The following HTR1F variants were observed in gnomAD, a reference collection of about 807,000 sequenced individuals.
HTR1F encodes 5-hydroxytryptamine (serotonin) receptor 1F, G protein-coupled.
A neutral mutation model predicts 24.0 loss-of-function variants in HTR1F; 17 were observed. That is an observed-to-expected ratio of 0.71 (90% CI 0.48 to 1.06). The LOEUF is 1.06. Among genes scored for constraint, HTR1F ranks in the 50% least tolerant of loss-of-function variants. The probability of loss-of-function intolerance (pLI) is 0.00; values close to 1 mark genes in which losing one functional copy is unlikely to be tolerated. For missense variants in HTR1F, 391 were observed against 427.8 expected (o/e 0.91, Z 0.76); for synonymous variants, 186 against 156.8 (o/e 1.19, Z -1.39).
chr3:87,937,083 C>CAA (rs35169317), intron 2 of HTR1F, among the ~76,000 whole-genome samples: 12,777 of 113,738 alleles, frequency 0.11, 808 homozygotes, highest in Non-Finnish European at 0.15. Flanking sequence ...TGAAACTACC[C>CAA]AAAAAAAAAA....
chr3:87,884,083 G>A (rs540970174), intron 2 of HTR1F, among the ~76,000 whole-genome samples: 15 of 152,102 alleles, frequency 9.9e-5, no homozygotes, highest in Non-Finnish European at 2.1e-4. Context: ...AATGTTAAGG[G>A]CAGCCAGAAA....
At chr3:87,877,411 T>C (rs1705693696) in intron 2 of HTR1F, among the ~76,000 whole-genome samples, 1 of 152,070 alleles carries the variant, frequency 6.6e-6, no homozygotes, top group Non-Finnish European at 1.5e-5. Context: ...CAATTTTTAG[T>C]GAATTGAAAG....
intron 2 of HTR1F, among the ~76,000 whole-genome samples, chr3:87,865,896 A>C (rs1269869233): frequency 2.0e-5 from 3 of 152,158 alleles, no homozygotes; most frequent in Non-Finnish European, 2.9e-5. Flanking sequence ...TGGGGCTTGC[A>C]TATGTTCAGA....
intron 2 of HTR1F, among the ~76,000 whole-genome samples, chr3:87,879,379 A>G (rs1705738012): frequency 6.6e-6 from 1 of 152,196 alleles, no homozygotes; most frequent in South Asian, 2.1e-4. Context: ...ATTAAATGTC[A>G]TTAATGTTTT....
chr3:87,915,344 C>G (rs920561836), intron 2 of HTR1F, among the ~76,000 whole-genome samples: 3 of 152,084 alleles, frequency 2.0e-5, no homozygotes, highest in African/African-American at 7.2e-5. Flanking sequence ...TGAATCCAAA[C>G]CAGGAAGAAA....
At chr3:87,873,095 T>C (rs1450780749) in intron 2 of HTR1F, among the ~76,000 whole-genome samples, 49 of 135,128 alleles carry the variant, frequency 3.6e-4, no homozygotes, top group South Asian at 1.0e-3. Flanking sequence ...CATGCATACA[T>C]ACACACACAC....
chr3:87,865,757 G>A (rs1236260972), intron 2 of HTR1F, among the ~76,000 whole-genome samples: 1 of 151,772 alleles, frequency 6.6e-6, no homozygotes, highest in African/African-American at 2.4e-5. Flanking sequence ...TTCTACTCTT[G>A]GTGGATATTT....
At chr3:87,838,725 T>G (rs1288430374) in intron 2 of HTR1F, among the ~76,000 whole-genome samples, 1 of 151,936 alleles carries the variant, frequency 6.6e-6, no homozygotes, top group Non-Finnish European at 1.5e-5. Flanking sequence ...GAAAACACAA[T>G]TGGAATAACT....
At chr3:87,984,247 C>A (rs1299210602) in intron 2 of HTR1F, among the ~76,000 whole-genome samples, 5 of 152,200 alleles carry the variant, frequency 3.3e-5, no homozygotes, top group Non-Finnish European at 7.3e-5. Flanking sequence ...TTATCCCTCA[C>A]CAGTATTTCC....
chr3:87,882,029 C>T (rs1027726020), intron 2 of HTR1F, among the ~76,000 whole-genome samples: 10 of 152,062 alleles, frequency 6.6e-5, no homozygotes, highest in African/African-American at 2.2e-4. Context: ...AACAAACAAC[C>T]CCATCAAAAA....
chr3:87,797,556 T>G (rs1327326481), intron 1 of HTR1F, among the ~76,000 whole-genome samples: 1 of 152,098 alleles, frequency 6.6e-6, no homozygotes. Context: ...GGTAAAATGA[T>G]AGAAGGAAGA....
chr3:87,815,865 C>G (rs1704241265), intron 1 of HTR1F, among the ~76,000 whole-genome samples: 1 of 152,066 alleles, frequency 6.6e-6, no homozygotes, highest in African/African-American at 2.4e-5. Flanking sequence ...ACTCATCTCC[C>G]TCTTTGCAGC....
chr3:87,874,806 C>A (rs1705633910), intron 2 of HTR1F, among the ~76,000 whole-genome samples: 1 of 152,022 alleles, frequency 6.6e-6, no homozygotes, highest in African/African-American at 2.4e-5. Context: ...GACATATAGA[C>A]TAGTGGAACG....
intron 2 of HTR1F, among the ~76,000 whole-genome samples, chr3:87,985,670 C>T (rs1705647620): frequency 6.6e-6 from 1 of 152,208 alleles, no homozygotes; most frequent in African/African-American, 2.4e-5. Context: ...AAACAGCCAA[C>T]TTGTAGGTAT....
intron 2 of HTR1F, among the ~76,000 whole-genome samples, chr3:87,946,073 CTAGTGTTCAGCTCGAT>C (rs1704694126): frequency 1.3e-5 from 2 of 152,208 alleles, no homozygotes; most frequent in African/African-American, 2.4e-5. Context: ...AACCCAGTGA[CTAGTGTTCAGCTCGAT>C]TAGGATGAAC....
chr3:87,809,983 G>A (rs1339539910), intron 1 of HTR1F, among the ~76,000 whole-genome samples: 4 of 151,736 alleles, frequency 2.6e-5, no homozygotes, highest in African/African-American at 4.8e-5. Context: ...TTCAGTAGAT[G>A]AACTCACCTT....
intron 1 of HTR1F, among the ~76,000 whole-genome samples, chr3:87,812,190 A>G (rs1448078450): frequency 6.6e-6 from 1 of 152,178 alleles, no homozygotes; most frequent in Non-Finnish European, 1.5e-5. Flanking sequence ...TATGGAAGCA[A>G]CTTTGGAACT....
chr3:87,915,132 C>T (rs1175063287), intron 2 of HTR1F, among the ~76,000 whole-genome samples: 1 of 152,110 alleles, frequency 6.6e-6, no homozygotes, highest in Non-Finnish European at 1.5e-5. Context: ...GTCAGGAAGC[C>T]ACGTCCATAG....
intron 2 of HTR1F, among the ~76,000 whole-genome samples, chr3:87,938,711 G>T (rs1024306027): frequency 6.6e-6 from 1 of 152,176 alleles, no homozygotes; most frequent in African/African-American, 2.4e-5. Context: ...TTCAATAAAT[G>T]ATGCTGGGAC....
Sources: allele counts gnomAD v4.1 joint callset (sites outside exome capture counted in the v4.1 genomes callset), GRCh38; gene constraint gnomAD v4.1.1; transcripts MANE v1.5; gene names NCBI Gene and HGNC (gene_info 2026-07-23, HGNC 2026-07-21).